Variants in WDHD1 observed in about 807,000 individuals in gnomAD.
The protein encoded by WDHD1 is WD repeat and HMG-box DNA binding protein 1, also known as WD repeat and HMG-box DNA-binding protein 1.
In WDHD1, 111 loss-of-function variants were observed where a neutral mutation model predicts 135.4. That is an observed-to-expected ratio of 0.82 (90% CI 0.70 to 0.96). WDHD1 has a LOEUF of 0.96. Among genes scored for constraint, WDHD1 ranks in the 40% least tolerant of loss-of-function variants. WDHD1 has a pLI of 0.00. For synonymous variants in WDHD1, 434 were observed against 439.0 expected (o/e 0.99, Z 0.14); for missense variants, 1,351 against 1,336.3 (o/e 1.01, Z -0.17).
chr14:54,966,429 G>GA, intron 18 of WDHD1, 46 bp downstream of exon 18: 1 of 1,563,562 alleles, frequency 6.4e-7, no homozygotes, highest in Non-Finnish European at 8.6e-7. Flanking sequence ...TCAACCTATA[G>GA]AAAAGCATTT....
chr14:55,016,042 G>T (rs528700910), intron 2 of WDHD1, among the ~76,000 whole-genome samples: 1 of 152,294 alleles, frequency 6.6e-6, no homozygotes, highest in South Asian at 2.1e-4. Flanking sequence ...TGGAGGAGAC[G>T]TACAAAGTTA....
At chr14:54,970,154 A>G (rs1566718247) in intron 16 of WDHD1, among the ~76,000 whole-genome samples, 1 of 152,134 alleles carries the variant, frequency 6.6e-6, no homozygotes, top group Non-Finnish European at 1.5e-5. Flanking sequence ...AAGGTTGGCC[A>G]CTCTTTTCAC....
chr14:55,027,071 T>G lies in WDHD1; in HGVS notation c.-60A>C. 2.5e-6 allele frequency: 1 copy of G among 403,254 alleles called. No homozygotes were observed. Among genetic ancestry groups the G allele is most frequent in the Non-Finnish European group, 4.6e-6 (1 of 215,068 alleles). 25.0% of individuals were successfully genotyped at this position (403,254 alleles called of 1,614,324 possible). On this transcript the variant is annotated 5_prime_UTR_variant, in exon 1 of 26. Coordinates refer to ENST00000360586, the MANE Select transcript of WDHD1 (RefSeq NM_007086.4). ...GCCACTGAGGATCCACAAGAGCTGC[T>G]TCCCGCGCTTCGGCTCGCTCACCAC...
chr14:54,983,667 C>T (rs1373395268), intron 15 of WDHD1, among the ~76,000 whole-genome samples: 2 of 140,788 alleles, frequency 1.4e-5, no homozygotes, highest in Non-Finnish European at 3.0e-5. Context: ...AGCAAGACTC[C>T]TAATTTATTC....
intron 24 of WDHD1, among the ~76,000 whole-genome samples, chr14:54,944,887 C>A (rs1378080347): frequency 6.6e-6 from 1 of 152,164 alleles, no homozygotes; most frequent in East Asian, 1.9e-4. Context: ...GGATTACAGG[C>A]ATAAGCCACC....
rs953625908 is a variant in WDHD1, at chr14:54,946,816, G to C, written c.3051-2346C>G. ...CCCAGCACTTTGGGAAGCCGAGATG[G>C]GCAAATCGCTTGAGGCCAAGAGTTT... On this transcript the variant is annotated intron_variant, in intron 24 of 25. Transcript: ENST00000360586. Among the ~76,000 whole-genome samples the C allele has an allele frequency of 2.7e-4, 41 of 152,176 alleles. 1 individual carries two copies. Among genetic ancestry groups the C allele is most frequent in the Admixed American group, 2.7e-3 (41 of 15,274 alleles).
intron 24 of WDHD1, among the ~76,000 whole-genome samples, chr14:54,944,908 T>C (rs2040898225): frequency 6.6e-6 from 1 of 152,128 alleles, no homozygotes; most frequent in Non-Finnish European, 1.5e-5. Context: ...GTGCCTGGCC[T>C]CATATTACTT....
chr14:54,972,465 C>A (rs549464684), intron 16 of WDHD1, among the ~76,000 whole-genome samples: 1 of 141,446 alleles, frequency 7.1e-6, no homozygotes, highest in South Asian at 2.3e-4. Context: ...GTAATCCCAG[C>A]TACTCGGGAG....
intron 7 of WDHD1, among the ~76,000 whole-genome samples, chr14:55,003,162 ATAC>A (rs2042002980): frequency 2.0e-5 from 3 of 152,182 alleles, no homozygotes; most frequent in African/African-American, 4.8e-5. Context: ...AAAAAAATAC[ATAC>A]TACATTTCCT....
At chr14:54,953,890 C>T (rs1450262760) in intron 24 of WDHD1, among the ~76,000 whole-genome samples, 1 of 152,130 alleles carries the variant, frequency 6.6e-6, no homozygotes, top group Non-Finnish European at 1.5e-5. Context: ...CCAAACACCG[C>T]ATGTTCTCAC....
chr14:54,951,567 A>C (rs1243491169), intron 24 of WDHD1, among the ~76,000 whole-genome samples: 2 of 152,224 alleles, frequency 1.3e-5, no homozygotes, highest in African/African-American at 2.4e-5. Flanking sequence ...ATTCTACCAG[A>C]GGTACAAGGA....
intron 13 of WDHD1, 116 bp downstream of exon 13, chr14:54,988,912 T>C (rs1226040830): frequency 7.4e-6 from 7 of 949,580 alleles, no homozygotes; most frequent in Non-Finnish European, 9.2e-6. Flanking sequence ...CAAACTCTTC[T>C]GAAATTTCAT....
chr14:54,987,348 G>A lies in WDHD1; in HGVS notation c.1566C>T (p.Ser522=). 3.7e-6 allele frequency: 6 copies of A among 1,613,750 alleles called. No individual in the cohort carries two copies. Among genetic ancestry groups the A allele is most frequent in the South Asian group, 1.1e-5 (1 of 91,046 alleles). The change falls in exon 14 of 26, where the codon AGC becomes AGT. Residue 522 remains serine, a synonymous_variant. Coordinates refer to ENST00000360586, the MANE Select transcript of WDHD1 (RefSeq NM_007086.4). ...GAGGCAAGTCTATTATCCACTCTTT[G>A]CTTGAATCCCAAGAACTAAAGTGCA... ...HCLHFSSWDS[S]KEWIIDLPQN...
intron 2 of WDHD1, among the ~76,000 whole-genome samples, chr14:55,025,492 C>A (rs1226209616): frequency 6.6e-6 from 1 of 152,178 alleles, no homozygotes; most frequent in Non-Finnish European, 1.5e-5. Context: ...GGAGGGGCAA[C>A]CCGCCCCTAC....
In WDHD1 at chr14:54,995,628, G is replaced by A; in HGVS notation, c.1128C>T (p.Ile376=). The change falls in exon 11 of 26, where the codon ATC becomes ATT. Residue 376 remains isoleucine (I), a synonymous_variant. Coordinates refer to ENST00000360586, the MANE Select transcript of WDHD1 (RefSeq NM_007086.4). The part of the protein sequence containing the change: ...ASGRPRQRSH[I]LEDDENSVDI... ...CAACTGAGTTTTCATCATCTTCTAG[G>A]ATGTGACTTCGCTGTCTAGGACGAC... 1 of 1,607,832 alleles carries A rather than the reference G, an allele frequency of 6.2e-7. No homozygotes were observed. Among genetic ancestry groups the A allele is most frequent in the South Asian group, 1.1e-5 (1 of 90,152 alleles).
intron 2 of WDHD1, among the ~76,000 whole-genome samples, chr14:55,016,130 G>C (rs1308911973): frequency 6.6e-6 from 1 of 152,198 alleles, no homozygotes; most frequent in Non-Finnish European, 1.5e-5. Flanking sequence ...GCAGAAAATA[G>C]AGTTAAGCAA....
In WDHD1 at chr14:54,969,323, G is replaced by C. The variant is rs1444642405; in HGVS notation, c.2064-1929C>G. ...TTACAGGCGTGAGCCACCGCGCCCAGCATTAAGACTCCGTTTCAAGAAAAA... is the reference window on the plus strand; with the variant it reads ...TTACAGGCGTGAGCCACCGCGCCCACCATTAAGACTCCGTTTCAAGAAAAA... On this transcript the variant is annotated intron_variant, in intron 16 of 25. Transcript: ENST00000360586. 2.8e-5 allele frequency among the ~76,000 whole-genome samples: 4 copies of C among 141,436 alleles called. 1 individual carries two copies. In the East Asian group the frequency reaches 8.1e-4, roughly 29 times the overall value. The allele number at this position is 141,436 out of a possible 152,430, so 92.8% of individuals were successfully genotyped here.
chr14:54,998,678 T>G (rs1216408461), intron 10 of WDHD1, among the ~76,000 whole-genome samples: 2 of 152,130 alleles, frequency 1.3e-5, no homozygotes, highest in African/African-American at 4.8e-5. Flanking sequence ...TCCTATTAAC[T>G]TCCATCTATG....
At chr14:54,993,361 C>T (rs920045522) in intron 11 of WDHD1, among the ~76,000 whole-genome samples, 2 of 152,128 alleles carry the variant, frequency 1.3e-5, no homozygotes, top group Non-Finnish European at 2.9e-5. Flanking sequence ...CTCAAGCAAT[C>T]CTCCTGCCTG....
Sources: gnomAD v4.1 joint callset for allele counts (sites outside exome capture counted in the v4.1 genomes callset) on GRCh38, gnomAD v4.1.1 for gene constraint, MANE v1.5 for transcripts, NCBI Gene and HGNC (gene_info 2026-07-23, HGNC 2026-07-21) for gene names.